Variants in RGS22 observed in about 807,000 individuals in gnomAD.
RGS22 encodes the protein regulator of G-protein signaling 22.
A neutral mutation model predicts 172.9 loss-of-function variants in RGS22; 148 were observed. The observed-to-expected ratio is 0.86, with a 90% CI of 0.75 to 0.98. The LOEUF (loss-of-function observed/expected upper bound fraction) is 0.98, where lower values mean the gene tolerates loss of function less well. Among genes scored for constraint, RGS22 ranks in the 50% least tolerant of loss-of-function variants. RGS22 has a pLI of 0.00. For missense variants in RGS22, 1,347 were observed against 1,440.8 expected (o/e 0.93, Z 1.05); for synonymous variants, 458 against 480.2 (o/e 0.95, Z 0.60).
intron 3 of RGS22, among the ~76,000 whole-genome samples, chr8:100,084,999 G>A (rs1008374482): frequency 4.6e-5 from 7 of 152,092 alleles, no homozygotes; most frequent in Non-Finnish European, 7.4e-5. Flanking sequence ...ACTTTAAAAG[G>A]GATTTGGCTA....
chr8:100,004,288 T>A (rs1372439832), intron 16 of RGS22, 190 bp from the exon 17 acceptor site: 3 of 309,748 alleles, frequency 9.7e-6, no homozygotes, highest in Admixed American at 1.3e-4. Context: ...AATTCTGTTC[T>A]GTTTATTTTC....
intron 23 of RGS22, among the ~76,000 whole-genome samples, chr8:99,974,242 T>A (rs1194899539): frequency 6.6e-6 from 1 of 152,150 alleles, no homozygotes; most frequent in Non-Finnish European, 1.5e-5. Context: ...AAATGTATAG[T>A]TTCATGAAGT....
Position 100,105,366 on chromosome 8 carries a change from A to C in RGS22, c.54+8T>G. On this transcript the variant is annotated splice_region_variant and intron_variant, in intron 2 of 27. Transcript: ENST00000360863. Reference sequence around the variant, plus strand: ...AAGAAAAAAATAGCCCCTTGAAATGATACTTACAAATTCTTCTTCTGTAAT... The same window carrying C: ...AAGAAAAAAATAGCCCCTTGAAATGCTACTTACAAATTCTTCTTCTGTAAT... 6.2e-7 allele frequency: 1 copy of C among 1,605,152 alleles called. No homozygotes were observed. Among genetic ancestry groups the C allele is most frequent in the Non-Finnish European group, 8.5e-7 (1 of 1,172,148 alleles).
intron 4 of RGS22, among the ~76,000 whole-genome samples, chr8:100,076,502 G>C (rs755993175): frequency 2.0e-5 from 3 of 151,998 alleles, no homozygotes; most frequent in Non-Finnish European, 4.4e-5. Context: ...GATTTCTTTT[G>C]TTTTTTGTAT....
chr8:100,060,243 T>A (rs1466796343), intron 9 of RGS22, among the ~76,000 whole-genome samples: 2 of 151,860 alleles, frequency 1.3e-5, no homozygotes, highest in Non-Finnish European at 1.5e-5. Flanking sequence ...TACCATACTT[T>A]CTTTTATTAT....
At chr8:100,053,325 G>A (rs896968016) in intron 9 of RGS22, among the ~76,000 whole-genome samples, 1 of 152,020 alleles carries the variant, frequency 6.6e-6, no homozygotes, top group African/African-American at 2.4e-5. Flanking sequence ...AGGGGGGTGA[G>A]GCAGGAGATT....
intron 9 of RGS22, 61 bp downstream of exon 9, chr8:100,062,530 A>C (rs1479304981): frequency 1.8e-6 from 2 of 1,129,036 alleles, no homozygotes; most frequent in African/African-American, 3.2e-5. Flanking sequence ...AGACAAAAAA[A>C]GTATAACTCA....
Position 100,016,978 on chromosome 8 carries a change from C to CTT in RGS22, c.2167-8411_2167-8410dup, listed in dbSNP as rs71274949. 3.5e-3 allele frequency among the ~76,000 whole-genome samples: 128 copies of CTT among 36,128 alleles called. 46 individuals are homozygous for CTT. Among genetic ancestry groups the CTT allele is most frequent in the East Asian group, 0.011 (13 of 1,134 alleles). 23.7% of individuals were successfully genotyped at this position (36,128 alleles called of 152,430 possible). A position where few individuals can be genotyped will look rare whatever the true frequency, so the allele number is the denominator to read the frequency against. On this transcript the variant is annotated intron_variant, in intron 14 of 27. Transcript: ENST00000360863. ...CCTACATCCCTGATTCCTTACCAGT[C>CTT]TTTTTTTTTTTTTTTTTTTTTTTTT...
At chr8:100,048,008 C>T (rs1220949980) in intron 10 of RGS22, among the ~76,000 whole-genome samples, 2 of 151,642 alleles carry the variant, frequency 1.3e-5, no homozygotes, top group Non-Finnish European at 2.9e-5. Context: ...GGAAATGAAA[C>T]AAAGATACCC....
chr8:100,001,722 G>T (rs1280046087), intron 18 of RGS22, among the ~76,000 whole-genome samples: 1 of 152,092 alleles, frequency 6.6e-6, no homozygotes, highest in African/African-American at 2.4e-5. Flanking sequence ...TTTGCTCAAG[G>T]TTCCATAGTA....
At chr8:100,025,876 G>GT (rs1365094198) in intron 14 of RGS22, among the ~76,000 whole-genome samples, 6 of 152,184 alleles carry the variant, frequency 3.9e-5, no homozygotes, top group Non-Finnish European at 7.3e-5. Context: ...GTCTTAACTG[G>GT]TTTTTTCTCT....
intron 12 of RGS22, among the ~76,000 whole-genome samples, chr8:100,041,489 C>CAAA (rs34208055): frequency 2.5e-4 from 36 of 142,380 alleles, no homozygotes; most frequent in South Asian, 6.8e-4. Context: ...GACTCTATCT[C>CAAA]AAAAAAAAAA....
At chr8:100,105,806 A>C in intron 1 of RGS22, 91 bp downstream of exon 1, 1 of 1,135,970 alleles carries the variant, frequency 8.8e-7, no homozygotes, top group Non-Finnish European at 1.2e-6. Context: ...GGATACCGCT[A>C]GGAGGGCAGG....
chr8:100,020,344 T>G (rs1260799340), intron 14 of RGS22, among the ~76,000 whole-genome samples: 2 of 152,202 alleles, frequency 1.3e-5, no homozygotes, highest in Non-Finnish European at 2.9e-5. Flanking sequence ...AGAAAAAGCC[T>G]TTGGCTACTG....
At chr8:100,050,558 T>G (rs954876925) in intron 10 of RGS22, among the ~76,000 whole-genome samples, 13 of 152,182 alleles carry the variant, frequency 8.5e-5, no homozygotes, top group African/African-American at 2.7e-4. Flanking sequence ...AAGCAATCTT[T>G]CCAAGAGGTT....
intron 2 of RGS22, among the ~76,000 whole-genome samples, chr8:100,097,742 C>G (rs1206958381): frequency 6.6e-6 from 1 of 152,186 alleles, no homozygotes; most frequent in African/African-American, 2.4e-5. Flanking sequence ...GATTACTACT[C>G]TGGAATCCTG....
At chr8:100,080,534 A>C (rs1811678697) in intron 3 of RGS22, 179 bp from the exon 4 acceptor site, 1 of 579,718 alleles carries the variant, frequency 1.7e-6, no homozygotes, top group Non-Finnish European at 3.0e-6. Context: ...GGAACCCACT[A>C]AACTCTTCCT....
chr8:100,096,049 C>G (rs1311575333), intron 2 of RGS22, among the ~76,000 whole-genome samples: 1 of 152,188 alleles, frequency 6.6e-6, no homozygotes, highest in Non-Finnish European at 1.5e-5. Context: ...TTCAAAATAT[C>G]TTGTCACATC....
intron 9 of RGS22, among the ~76,000 whole-genome samples, chr8:100,057,490 C>A (rs923252874): frequency 1.3e-5 from 2 of 152,096 alleles, no homozygotes; most frequent in African/African-American, 4.8e-5. Context: ...TGTAATAATT[C>A]CCATGGGTCA....
Sources: allele counts gnomAD v4.1 joint callset (sites outside exome capture counted in the v4.1 genomes callset), GRCh38; gene constraint gnomAD v4.1.1; transcripts MANE v1.5; gene names NCBI Gene and HGNC (gene_info 2026-07-23, HGNC 2026-07-21).